Variants in SLC39A11 observed in about 807,000 individuals in gnomAD.
The protein encoded by SLC39A11 is zinc transporter ZIP11.
SLC39A11 carries 33 observed loss-of-function variants against 36.1 expected under a neutral mutation model. The observed-to-expected ratio is 0.91, with a 90% CI of 0.69 to 1.22. SLC39A11 has a LOEUF of 1.22. Ranked by LOEUF, SLC39A11 falls within the 50% of genes most tolerant of loss-of-function variation. The probability of loss-of-function intolerance (pLI) is 0.00; values close to 1 mark genes in which losing one functional copy is unlikely to be tolerated. For synonymous variants in SLC39A11, 166 were observed against 170.3 expected (o/e 0.97, Z 0.20); for missense variants, 432 against 430.3 (o/e 1.00, Z -0.03).
intron 6 of SLC39A11, among the ~76,000 whole-genome samples, chr17:72,767,903 G>A (rs1160233572): frequency 6.6e-6 from 1 of 152,068 alleles, no homozygotes. Context: ...ATACCACTTG[G>A]GAGACAGAGT....
rs892315032 is a variant in SLC39A11, at chr17:72,651,481, G to A, written c.672-2213C>T. Among the ~76,000 whole-genome samples the A allele has an allele frequency of 1.1e-4, 16 of 152,180 alleles. 1 individual carries two copies. The highest frequency in any genetic ancestry group is 3.8e-4 in the East Asian group (2 of 5,196). ...ATGTGGAGAGCTCTGGAGGAGATCCGGAGCAACACAGGACAGGAGTAACAA... is the reference window on the plus strand; with the variant it reads ...ATGTGGAGAGCTCTGGAGGAGATCCAGAGCAACACAGGACAGGAGTAACAA... On this transcript the variant is annotated intron_variant, in intron 7 of 9. Transcript: ENST00000255559.
intron 3 of SLC39A11, chr17:73,072,512 C>T (rs2060193610): frequency 6.6e-6 from 1 of 152,144 alleles, no homozygotes; most frequent in African/African-American, 2.4e-5. Context: ...CACTTCCTCC[C>T]CCACACTGTG....
At chr17:72,788,226 G>A (rs1288124342) in intron 6 of SLC39A11, among the ~76,000 whole-genome samples, 1 of 152,198 alleles carries the variant, frequency 6.6e-6, no homozygotes, top group Non-Finnish European at 1.5e-5. Context: ...CCCTCGACCA[G>A]AAATTTCTTC....
chr17:73,067,668 T>C (rs189662272), intron 3 of SLC39A11, among the ~76,000 whole-genome samples: 1 of 152,196 alleles, frequency 6.6e-6, no homozygotes, highest in South Asian at 2.1e-4. Flanking sequence ...CCATCTTTTA[T>C]GATGACTGGC....
intron 5 of SLC39A11, among the ~76,000 whole-genome samples, chr17:72,892,469 A>C (rs940535972): frequency 1.3e-5 from 2 of 152,072 alleles, no homozygotes; most frequent in Admixed American, 6.6e-5. Context: ...GAAACACAGA[A>C]TCTCCTCTTG....
intron 6 of SLC39A11, among the ~76,000 whole-genome samples, chr17:72,770,147 CTG>C (rs1279976671): frequency 6.6e-6 from 1 of 152,218 alleles, no homozygotes; most frequent in Non-Finnish European, 1.5e-5. Context: ...TCTAAATTAA[CTG>C]AGATCTGTCT....
At chr17:72,785,080 C>T (rs1417965512) in intron 6 of SLC39A11, among the ~76,000 whole-genome samples, 1 of 152,044 alleles carries the variant, frequency 6.6e-6, no homozygotes, top group African/African-American at 2.4e-5. Flanking sequence ...ATTGGTCAGG[C>T]TGGTCTTGAA....
intron 3 of SLC39A11, among the ~76,000 whole-genome samples, chr17:73,063,224 G>A (rs572437409): frequency 6.6e-6 from 1 of 152,268 alleles, no homozygotes; most frequent in East Asian, 1.9e-4. Flanking sequence ...TGAATTTGAC[G>A]AAGGTAACTG....
intron 4 of SLC39A11, among the ~76,000 whole-genome samples, chr17:72,988,674 T>C (rs189609618): frequency 6.6e-6 from 1 of 152,236 alleles, no homozygotes; most frequent in African/African-American, 2.4e-5. Flanking sequence ...CTACTTTCTG[T>C]TTCTATGAAT....
intron 6 of SLC39A11, among the ~76,000 whole-genome samples, chr17:72,810,737 G>A (rs2077408820): frequency 6.6e-6 from 1 of 151,822 alleles, no homozygotes; most frequent in Non-Finnish European, 1.5e-5. Context: ...CCAGGCTGGA[G>A]TGCAGTGGCA....
intron 6 of SLC39A11, among the ~76,000 whole-genome samples, chr17:72,833,266 C>G (rs2145741854): frequency 6.6e-6 from 1 of 152,222 alleles, no homozygotes; most frequent in South Asian, 2.1e-4. Flanking sequence ...TTATTAATAA[C>G]CGTCCTCTTT....
chr17:72,899,628 C>A (rs1335768465), intron 5 of SLC39A11, among the ~76,000 whole-genome samples: 1 of 152,124 alleles, frequency 6.6e-6, no homozygotes, highest in Non-Finnish European at 1.5e-5. Context: ...AAGGAGACAG[C>A]AGCAAGGAAA....
intron 5 of SLC39A11, among the ~76,000 whole-genome samples, chr17:72,860,687 T>C (rs1042001454): frequency 6.6e-6 from 1 of 152,142 alleles, no homozygotes; most frequent in Admixed American, 6.6e-5. Context: ...TCTCTTTTCC[T>C]TTTTCTCTGA....
chr17:72,933,242 G>A (rs772372554), intron 5 of SLC39A11, among the ~76,000 whole-genome samples: 15 of 152,132 alleles, frequency 9.9e-5, no homozygotes, highest in Non-Finnish European at 1.5e-4. Context: ...AGGATACAGG[G>A]CTAGCACATA....
intron 4 of SLC39A11, among the ~76,000 whole-genome samples, chr17:73,016,496 G>C (rs1442942418): frequency 6.6e-6 from 1 of 151,908 alleles, no homozygotes; most frequent in Non-Finnish European, 1.5e-5. Context: ...ACCACACTCT[G>C]CTAAGTTTTG....
intron 6 of SLC39A11, among the ~76,000 whole-genome samples, chr17:72,784,447 C>T (rs899295721): frequency 1.3e-5 from 2 of 152,158 alleles, no homozygotes; most frequent in East Asian, 3.9e-4. Context: ...AGAATGTCAA[C>T]GTAGTGCAGC....
intron 5 of SLC39A11, among the ~76,000 whole-genome samples, chr17:72,872,117 C>G (rs1397181214): frequency 6.6e-6 from 1 of 152,202 alleles, no homozygotes; most frequent in Non-Finnish European, 1.5e-5. Flanking sequence ...AGAGTAATGT[C>G]TATGATGGTG....
At chr17:73,051,947 G>C (rs373446673) in intron 3 of SLC39A11, among the ~76,000 whole-genome samples, 1 of 151,508 alleles carries the variant, frequency 6.6e-6, no homozygotes, top group South Asian at 2.1e-4. Flanking sequence ...TGTATCATCA[G>C]GCTTAGGACA....
intron 4 of SLC39A11, among the ~76,000 whole-genome samples, chr17:72,986,330 G>A (rs2088753115): frequency 6.6e-6 from 1 of 152,118 alleles, no homozygotes; most frequent in South Asian, 2.1e-4. Flanking sequence ...ACCACGGCTG[G>A]GGAGCTGGAC....
Sources: gnomAD v4.1 joint callset for allele counts (sites outside exome capture counted in the v4.1 genomes callset) on GRCh38, gnomAD v4.1.1 for gene constraint, MANE v1.5 for transcripts, NCBI Gene and HGNC (gene_info 2026-07-23, HGNC 2026-07-21) for gene names.